Variants in ADAMTS9 observed in about 807,000 individuals in gnomAD.
ADAMTS9 encodes A disintegrin and metalloproteinase with thrombospondin motifs 9.
ADAMTS9 carries 107 observed loss-of-function variants against 257.1 expected under a neutral mutation model. That is an observed-to-expected ratio of 0.42 (90% confidence interval 0.36 to 0.49). ADAMTS9 has a LOEUF of 0.49. Among genes scored for constraint, ADAMTS9 ranks in the 20% least tolerant of loss-of-function variants. ADAMTS9 has a pLI of 0.03. For missense variants in ADAMTS9, 2,353 were observed against 2,469.1 expected, an observed-to-expected ratio of 0.95 and a Z score of 1.00; for synonymous variants, 982 against 880.9, an observed-to-expected ratio of 1.11 and a Z score of -2.03.
intron 8 of ADAMTS9, among the ~76,000 whole-genome samples, chr3:64,653,054 T>C (rs1700972503): frequency 1.3e-5 from 2 of 152,224 alleles, no homozygotes; most frequent in East Asian, 3.8e-4. Flanking sequence ...TATGCAAATA[T>C]TGCAAAAATC....
intron 3 of ADAMTS9, among the ~76,000 whole-genome samples, chr3:64,672,189 G>C (rs966113552): frequency 6.6e-6 from 1 of 152,172 alleles, no homozygotes; most frequent in Non-Finnish European, 1.5e-5. Context: ...AGTTTCAGAT[G>C]GTTCCTATGA....
chr3:64,619,721 T>C lies in ADAMTS9; in HGVS notation c.2813+1393A>G, dbSNP rs143234157. On this transcript the variant is annotated intron_variant, in intron 19 of 39. Transcript: ENST00000498707. ...TAGTAAATGGTTGACTCTATTACCATAACCATTACAGAGTACTGGGGAATA... is the reference window on the plus strand; with the variant it reads ...TAGTAAATGGTTGACTCTATTACCACAACCATTACAGAGTACTGGGGAATA... Among the ~76,000 whole-genome samples the C allele has an allele frequency of 6.6e-5, 10 of 152,252 alleles. No homozygotes were observed. In the East Asian group the frequency reaches 1.5e-3, roughly 24 times the overall value.
chr3:64,649,654 G>T lies in ADAMTS9; in HGVS notation c.1588C>A (p.Gln530Lys), dbSNP rs1576159764. ...ACACTTACCATATATGGGCACACCT[G>T]AGAACCTGGTCCAAAAATCAATTCA... ...QCELIFGPGS[Q>K]VCPYMMQCRR... The change falls in exon 10 of 40, where the codon CAG becomes AAG. Residue 530 changes from glutamine (Q) to lysine (K), a missense_variant. Physicochemically the swap from Gln to Lys is moderately conservative, Grantham distance 53. This residue lies in a region of ADAMTS9 where 360 missense variants were observed against 458.1 expected (regional missense o/e 0.79). Coordinates refer to ENST00000498707, the MANE Select transcript of ADAMTS9 (RefSeq NM_182920.2). 1.9e-6 allele frequency: 3 copies of T among 1,613,540 alleles called. No homozygotes were observed. Among genetic ancestry groups the T allele is most frequent in the Non-Finnish European group, 2.5e-6 (3 of 1,179,812 alleles).
intron 28 of ADAMTS9, among the ~76,000 whole-genome samples, chr3:64,570,898 T>C (rs2083668539): frequency 6.6e-6 from 1 of 151,992 alleles, no homozygotes; most frequent in Non-Finnish European, 1.5e-5. Flanking sequence ...TATTTATTTC[T>C]AGGAAATGAG....
At chr3:64,526,707 A>G (rs1188936343) in intron 38 of ADAMTS9, among the ~76,000 whole-genome samples, 1 of 152,174 alleles carries the variant, frequency 6.6e-6, no homozygotes, top group Non-Finnish European at 1.5e-5. Flanking sequence ...AGCTTGTACT[A>G]CATCTTGAAC....
intron 3 of ADAMTS9, among the ~76,000 whole-genome samples, chr3:64,676,953 C>G (rs4637287): frequency 0.28 from 42,557 of 152,116 alleles, 6,194 homozygotes; most frequent in African/African-American, 0.36. Context: ...CTTTCTCTCA[C>G]CCACCTACCA....
Position 64,613,476 on chromosome 3 carries a change from G to C in ADAMTS9, c.3223C>G (p.Arg1075Gly). 2 of 1,613,780 alleles carry C rather than the reference G, an allele frequency of 1.2e-6. No individual in the cohort carries two copies. Among genetic ancestry groups the C allele is most frequent in the African/African-American group, 2.7e-5 (2 of 75,006 alleles). Reference sequence around the variant, plus strand: ...TCACCAAACTGACACCAGACCTGGCGGTGCTTATGCCCTTTTCCACAGGTG... The same window carrying C: ...TCACCAAACTGACACCAGACCTGGCCGTGCTTATGCCCTTTTCCACAGGTG... ...LVTCGKGHKH[R>G]QVWCQFGEDR... Residue 1075 changes from arginine to glycine, a missense_variant, in exon 22 of 40, where the codon CGC becomes GGC. Transcript: ENST00000498707.
In ADAMTS9 at chr3:64,687,610, G is replaced by T; in HGVS notation, c.48C>A (p.Asp16Glu). ...CGTCTGGGCTCCCCATCTCGGCCAGGTCCCGCACCAGGAGCGTTAGCAGTG... is the reference window on the plus strand; with the variant it reads ...CGTCTGGGCTCCCCATCTCGGCCAGTTCCCGCACCAGGAGCGTTAGCAGTG... The part of the protein sequence containing the change: ...WATLLTLLVR[D>E]LAEMGSPDAA... The change falls in exon 1 of 40, where the codon GAC becomes GAA. Residue 16 changes from aspartate to glutamate, a missense_variant. By Grantham distance (45) the Asp-to-Glu change is conservative. Coordinates refer to ENST00000498707, the MANE Select transcript of ADAMTS9 (RefSeq NM_182920.2). The surrounding 1 kb of genome is among the most constrained non-coding windows in gnomAD (Gnocchi z 4.4). The T allele has an allele frequency of 1.3e-6, 2 of 1,586,872 alleles. No individual in the cohort carries two copies. Among genetic ancestry groups the T allele is most frequent in the Non-Finnish European group, 1.7e-6 (2 of 1,168,150 alleles).
chr3:64,607,620 C>G (rs2084582860), intron 22 of ADAMTS9, among the ~76,000 whole-genome samples: 1 of 152,064 alleles, frequency 6.6e-6, no homozygotes, highest in Non-Finnish European at 1.5e-5. Context: ...AAAAAGCAGA[C>G]TAAAAACAGT....
chr3:64,566,476 T>C (rs1247041733), intron 29 of ADAMTS9, among the ~76,000 whole-genome samples: 1 of 152,124 alleles, frequency 6.6e-6, no homozygotes, highest in Non-Finnish European at 1.5e-5. Context: ...ACAGGTGCAG[T>C]TTATTCTGGG....
chr3:64,652,587 T>G (rs1185926552), intron 8 of ADAMTS9, among the ~76,000 whole-genome samples: 1 of 152,154 alleles, frequency 6.6e-6, no homozygotes, highest in Non-Finnish European at 1.5e-5. Context: ...GTCAAGTTTA[T>G]TACCTCATGT....
At chr3:64,535,552 CTTTTTTT>C (rs57945713) in intron 37 of ADAMTS9, among the ~76,000 whole-genome samples, 5 of 84,660 alleles carry the variant, frequency 5.9e-5, no homozygotes, top group Admixed American at 3.1e-4. Context: ...CTTTTCTTTT[CTTTTTTT>C]TTTTTTTTTT....
chr3:64,529,356 T>G (rs1189760220), intron 38 of ADAMTS9, among the ~76,000 whole-genome samples: 1 of 152,194 alleles, frequency 6.6e-6, no homozygotes, highest in Non-Finnish European at 1.5e-5. Flanking sequence ...CAATACAGCT[T>G]TCCTTTAGTT....
chr3:64,631,712 A>G, intron 15 of ADAMTS9, 96 bp downstream of exon 15: 1 of 1,262,418 alleles, frequency 7.9e-7, no homozygotes. Context: ...ACTGATTTTT[A>G]TGCTCGACAT....
At chr3:64,619,896 T>C (rs1243570187) in intron 19 of ADAMTS9, among the ~76,000 whole-genome samples, 1 of 152,200 alleles carries the variant, frequency 6.6e-6, no homozygotes, top group East Asian at 1.9e-4. Flanking sequence ...AATTATTTTT[T>C]CCTGAAGAGA....
chr3:64,654,081 A>G (rs746532864), intron 8 of ADAMTS9, among the ~76,000 whole-genome samples: 1 of 152,188 alleles, frequency 6.6e-6, no homozygotes, highest in Non-Finnish European at 1.5e-5. Context: ...TCCCAGTAGG[A>G]AGGGAGAATA....
At chr3:64,634,181 T>C (rs1490587643) in intron 12 of ADAMTS9, among the ~76,000 whole-genome samples, 3 of 152,146 alleles carry the variant, frequency 2.0e-5, no homozygotes, top group Non-Finnish European at 2.9e-5. Context: ...AAATATGAGA[T>C]GCGAAGCCTG....
chr3:64,522,137 C>CACAG lies in ADAMTS9; in HGVS notation c.*5+25_*5+28dup. On this transcript the variant is annotated intron_variant, in intron 39 of 39. Transcript: ENST00000498707. ...TACAGAAAAAAATAAAAGACAAATA[C>CACAG]ACAGACAGACAGACATAGGACTACT... is the stretch of plus-strand genomic sequence containing the variant. 3 of 1,593,408 alleles carry CACAG rather than the reference C, an allele frequency of 1.9e-6. No individual in the cohort carries two copies. The South Asian group carries it at 3.3e-5, about 18-fold the overall frequency.
chr3:64,576,355 C>T (rs558739943), intron 28 of ADAMTS9, among the ~76,000 whole-genome samples: 16 of 152,324 alleles, frequency 1.1e-4, no homozygotes, highest in African/African-American at 1.9e-4. Context: ...TTCCCTGCCA[C>T]GCCCTGCTCT....
Sources: allele counts gnomAD v4.1 joint callset (sites outside exome capture counted in the v4.1 genomes callset), GRCh38; gene constraint gnomAD v4.1.1; regional missense constraint gnomAD v4.1.1; non-coding constraint Gnocchi (gnomAD v3.1); transcripts MANE v1.5; gene names NCBI Gene and HGNC (gene_info 2026-07-23, HGNC 2026-07-21).